MMP16: variants seen among roughly 807,000 people sequenced by gnomAD.
The protein encoded by MMP16 is matrix metallopeptidase 16, also known as matrix metalloproteinase-16.
A neutral mutation model predicts 67.8 loss-of-function variants in MMP16; 12 were observed. The ratio of observed to expected loss-of-function variants is 0.18; its 90% CI spans 0.11 to 0.29. MMP16 has a LOEUF of 0.29. MMP16 is among the 10% of genes least tolerant of loss of function. The pLI, the probability that MMP16 is intolerant of heterozygous loss-of-function variation, is 1.00. For missense variants in MMP16, 475 were observed against 765.7 expected, an observed-to-expected ratio of 0.62 and a Z score of 4.48; for synonymous variants, 249 against 255.9, an observed-to-expected ratio of 0.97 and a Z score of 0.26.
rs539069607 is a variant in MMP16, at chr8:88,138,089, GTA to G, written c.710-19230_710-19229del. On this transcript the variant is annotated intron_variant, in intron 4 of 9. Transcript: ENST00000286614. ...TAATTCCAACACCTGAATCATGTGT[GTA>G]TGTGTTTTTTTTCCTAGGTCTAGTT... 2.6e-5 allele frequency among the ~76,000 whole-genome samples: 4 copies of G among 150,996 alleles called. No individual in the cohort carries two copies. In the South Asian group the frequency reaches 8.4e-4, roughly 32 times the overall value.
At chr8:88,199,471 G>A (rs1261885248) in intron 1 of MMP16, among the ~76,000 whole-genome samples, 1 of 151,828 alleles carries the variant, frequency 6.6e-6, no homozygotes, top group Admixed American at 6.6e-5. Flanking sequence ...ACCATTTTAT[G>A]GTCAAGGTTT....
intron 1 of MMP16, among the ~76,000 whole-genome samples, chr8:88,262,899 C>T (rs1195077809): frequency 6.9e-6 from 1 of 145,188 alleles, no homozygotes; most frequent in Non-Finnish European, 1.5e-5. Context: ...GTAGCGGGTG[C>T]CTGTAGTCCC....
intron 1 of MMP16, among the ~76,000 whole-genome samples, chr8:88,253,062 C>A (rs1405406153): frequency 1.3e-5 from 2 of 152,056 alleles, no homozygotes; most frequent in African/African-American, 2.4e-5. Context: ...ATTCTATTTT[C>A]TTTTTCTCCA....
At chr8:88,124,114 T>C (rs889707345) in intron 4 of MMP16, among the ~76,000 whole-genome samples, 1 of 152,050 alleles carries the variant, frequency 6.6e-6, no homozygotes, top group Admixed American at 6.6e-5. Context: ...GTGTGTCAGA[T>C]ACATTTTATT....
At chr8:88,123,211 C>A (rs1440031510) in intron 4 of MMP16, among the ~76,000 whole-genome samples, 2 of 151,952 alleles carry the variant, frequency 1.3e-5, no homozygotes, top group African/African-American at 4.8e-5. Flanking sequence ...TAAGAAAAAA[C>A]TGAACAGTAG....
At chr8:88,061,127 TACACACAC>T (rs149547108) in intron 7 of MMP16, among the ~76,000 whole-genome samples, 2,027 of 143,124 alleles carry the variant, frequency 0.014, 30 homozygotes, top group African/African-American at 0.033. Context: ...CTGAATATTA[TACACACAC>T]ACACACACAC....
intron 1 of MMP16, among the ~76,000 whole-genome samples, chr8:88,311,256 T>C (rs1485122371): frequency 6.6e-6 from 1 of 152,118 alleles, no homozygotes. Context: ...TTTTGATATA[T>C]CCAGGAGGTA....
At chr8:88,326,982 C>A in intron 1 of MMP16, 93 bp downstream of exon 1, 1 of 1,526,432 alleles carries the variant, frequency 6.6e-7, no homozygotes, top group South Asian at 1.2e-5. Context: ...GGGACCCAGG[C>A]TGCTCTGAGC....
At chr8:88,244,117 T>C (rs975016811) in intron 1 of MMP16, among the ~76,000 whole-genome samples, 38 of 152,240 alleles carry the variant, frequency 2.5e-4, no homozygotes, top group African/African-American at 8.2e-4. Flanking sequence ...GGGCAACAGT[T>C]GTTTACCATT....
intron 6 of MMP16, among the ~76,000 whole-genome samples, chr8:88,116,053 C>A (rs1809422644): frequency 6.6e-6 from 1 of 152,002 alleles, no homozygotes; most frequent in Admixed American, 6.6e-5. Flanking sequence ...CCGTGGACCC[C>A]AAACAAAATG....
intron 6 of MMP16, among the ~76,000 whole-genome samples, chr8:88,098,999 T>C (rs1809084122): frequency 6.6e-6 from 1 of 151,798 alleles, no homozygotes. Flanking sequence ...TATATTATGA[T>C]AAAACCATTT....
At chr8:88,166,086 C>T (rs1292568047) in intron 4 of MMP16, among the ~76,000 whole-genome samples, 1 of 151,928 alleles carries the variant, frequency 6.6e-6, no homozygotes, top group Non-Finnish European at 1.5e-5. Context: ...TTAACTCAAC[C>T]TAATTTATCC....
intron 3 of MMP16, among the ~76,000 whole-genome samples, chr8:88,182,109 A>G (rs1439411950): frequency 6.6e-6 from 1 of 152,154 alleles, no homozygotes; most frequent in African/African-American, 2.4e-5. Flanking sequence ...GATTTTTAAC[A>G]TACAACGCCA....
chr8:88,253,647 C>T (rs1390060934), intron 1 of MMP16, among the ~76,000 whole-genome samples: 2 of 151,232 alleles, frequency 1.3e-5, no homozygotes, highest in Non-Finnish European at 2.9e-5. Context: ...CTTTGTACCT[C>T]GTAAAAACAC....
chr8:88,248,264 A>G lies in MMP16; in HGVS notation c.133-50958T>C, dbSNP rs76292210. The stretch of plus-strand genomic sequence containing the variant: ...GTAAGCATATTGAATATCATCAAAT[A>G]GATAAGAATTTTGGGTATATAAGCA... On this transcript the variant is annotated intron_variant, in intron 1 of 9. Transcript: ENST00000286614. Among the ~76,000 whole-genome samples, 25 of 152,236 alleles carry G rather than the reference A, an allele frequency of 1.6e-4. No individual in the cohort carries two copies. In the East Asian group the frequency reaches 4.9e-3, roughly 30 times the overall value.
At chr8:88,320,508 T>G (rs1811442333) in intron 1 of MMP16, among the ~76,000 whole-genome samples, 1 of 152,152 alleles carries the variant, frequency 6.6e-6, no homozygotes, top group Non-Finnish European at 1.5e-5. Context: ...TTTGTTATAC[T>G]GCCATGCCCA....
chr8:88,081,224 T>C (rs1808745698), intron 6 of MMP16, among the ~76,000 whole-genome samples: 1 of 152,000 alleles, frequency 6.6e-6, no homozygotes, highest in African/African-American at 2.4e-5. Flanking sequence ...GAAGAATAAA[T>C]GGGGAGCTTC....
chr8:88,229,246 C>T (rs953185557), intron 1 of MMP16, among the ~76,000 whole-genome samples: 12 of 152,016 alleles, frequency 7.9e-5, no homozygotes, highest in South Asian at 2.1e-4. Context: ...CCAGAATATA[C>T]GTGTATATAT....
chr8:88,186,601 GCAAAA>G lies in MMP16; in HGVS notation c.282-8_282-4del, dbSNP rs1563556930. On this transcript the variant is annotated splice_region_variant and splice_polypyrimidine_tract_variant and intron_variant, in intron 2 of 9. Coordinates refer to ENST00000286614, the MANE Select transcript of MMP16 (RefSeq NM_005941.5). The stretch of plus-strand genomic sequence containing the variant: ...CGCATCGGGGCTTCTTCATCCAGCT[GCAAAA>G]AAAAAAAAAAAAAAAAAAAAGCAGT... 2.3e-5 allele frequency: 22 copies of G among 949,276 alleles called. No individual in the cohort carries two copies. Among genetic ancestry groups the G allele is most frequent in the Admixed American group, 1.5e-4 (3 of 20,110 alleles). The allele number at this position is 949,276 out of a possible 1,614,324, so 58.8% of individuals were successfully genotyped here. A position where few individuals can be genotyped will look rare whatever the true frequency, so the allele number is the denominator to read the frequency against.
Sources: gnomAD v4.1 joint callset for allele counts (sites outside exome capture counted in the v4.1 genomes callset) on GRCh38, gnomAD v4.1.1 for gene constraint, MANE v1.5 for transcripts, NCBI Gene and HGNC (gene_info 2026-07-23, HGNC 2026-07-21) for gene names.